Variants in RBFOX1 observed in about 807,000 individuals in gnomAD.
The protein encoded by RBFOX1 is RNA binding fox-1 homolog 1.
A neutral mutation model predicts 57.7 loss-of-function variants in RBFOX1; 8 were observed. The observed-to-expected ratio is 0.14, with a 90% CI of 0.08 to 0.25. The LOEUF is 0.25. Among genes scored for constraint, RBFOX1 ranks in the 10% least tolerant of loss-of-function variants. RBFOX1 has a pLI of 1.00. For missense variants in RBFOX1, 611 were observed against 548.5 expected, an observed-to-expected ratio of 1.11 and a Z score of -1.14; for synonymous variants, 326 against 222.4, an observed-to-expected ratio of 1.47 and a Z score of -4.15.
chr16:7,023,529 A>G (rs1037006411), intron 3 of RBFOX1, among the ~76,000 whole-genome samples: 1 of 144,600 alleles, frequency 6.9e-6, no homozygotes, highest in Non-Finnish European at 1.5e-5. Context: ...GGCTTTAAGA[A>G]CAGCCTGGCC....
At chr16:6,885,285 G>A (rs139761288) in intron 3 of RBFOX1, among the ~76,000 whole-genome samples, 10 of 152,148 alleles carry the variant, frequency 6.6e-5, no homozygotes, top group Non-Finnish European at 1.5e-4. Context: ...CTACAGACGC[G>A]TGTTCTCTAT....
At chr16:7,181,548 C>G (rs1446776017) in intron 4 of RBFOX1, among the ~76,000 whole-genome samples, 1 of 149,828 alleles carries the variant, frequency 6.7e-6, no homozygotes, top group Non-Finnish European at 1.5e-5. Flanking sequence ...CTCTCTCTTT[C>G]TCTCATCTCT....
chr16:5,401,060 T>C (rs1004197026), intron 1 of RBFOX1, among the ~76,000 whole-genome samples: 2 of 152,154 alleles, frequency 1.3e-5, no homozygotes, highest in African/African-American at 2.4e-5. Context: ...TCAAAGGAGA[T>C]TTTTTAAAAA....
intron 3 of RBFOX1, among the ~76,000 whole-genome samples, chr16:6,788,431 C>A (rs537342766): frequency 3.3e-5 from 5 of 151,502 alleles, no homozygotes; most frequent in Non-Finnish European, 7.4e-5. Flanking sequence ...GCTTTGGACA[C>A]AGGTGCTGCA....
intron 1 of RBFOX1, among the ~76,000 whole-genome samples, chr16:5,391,891 A>ATG (rs1491308909): frequency 2.3e-5 from 3 of 132,634 alleles, no homozygotes; most frequent in African/African-American, 7.3e-5. Flanking sequence ...GTGTGTGTAT[A>ATG]CACACACACA....
At chr16:6,084,222 T>C (rs972295387) in intron 1 of RBFOX1, among the ~76,000 whole-genome samples, 5 of 152,080 alleles carry the variant, frequency 3.3e-5, no homozygotes, top group Non-Finnish European at 2.9e-5. Context: ...TTAATGGTCC[T>C]TCCTCCTTAT....
At chr16:5,250,229 G>A (rs1157596791) in intron 1 of RBFOX1, among the ~76,000 whole-genome samples, 1 of 152,126 alleles carries the variant, frequency 6.6e-6, no homozygotes, top group South Asian at 2.1e-4. Context: ...TAACACTGGG[G>A]AGGGTTGGGG....
rs754317181 is a variant in RBFOX1, at chr16:6,729,233, C to G, written c.-16+74583C>G. Among the ~76,000 whole-genome samples the G allele has an allele frequency of 3.3e-5, 5 of 152,236 alleles. No individual in the cohort carries two copies. In the South Asian group the frequency reaches 8.3e-4, roughly 25 times the overall value. On this transcript the variant is annotated intron_variant, in intron 3 of 15. Coordinates refer to ENST00000550418, the MANE Select transcript of RBFOX1 (RefSeq NM_018723.4). Reference sequence around the variant, plus strand: ...GATTATATGTATATAATTGGGGTCACCAGACCCCAGGGATTCTGATTTAAT... The same window carrying G: ...GATTATATGTATATAATTGGGGTCAGCAGACCCCAGGGATTCTGATTTAAT...
At chr16:7,567,331 A>G (rs2092025801) in intron 5 of RBFOX1, among the ~76,000 whole-genome samples, 3 of 35,634 alleles carry the variant, frequency 8.4e-5, no homozygotes, top group South Asian at 5.6e-4. Flanking sequence ...ATCTCCCTAT[A>G]TATGGCCCTA....
chr16:6,948,215 T>C (rs1360927905), intron 3 of RBFOX1, among the ~76,000 whole-genome samples: 1 of 151,974 alleles, frequency 6.6e-6, no homozygotes, highest in Non-Finnish European at 1.5e-5. Flanking sequence ...GAGGATGGCT[T>C]GAGCTGAGGC....
At chr16:5,889,705 C>G (rs1023296332) in intron 4 of RBFOX1, among the ~76,000 whole-genome samples, 2 of 152,326 alleles carry the variant, frequency 1.3e-5, no homozygotes, top group South Asian at 4.2e-4. Flanking sequence ...CTGTCCGTGG[C>G]AGCCCATGCT....
intron 4 of RBFOX1, among the ~76,000 whole-genome samples, chr16:5,988,794 A>T (rs1385707609): frequency 1.3e-5 from 2 of 152,084 alleles, no homozygotes; most frequent in Non-Finnish European, 2.9e-5. Flanking sequence ...TTTTTTTTTA[A>T]ATATAAAATT....
intron 3 of RBFOX1, among the ~76,000 whole-genome samples, chr16:7,036,899 C>A (rs564105605): frequency 6.6e-6 from 1 of 152,148 alleles, no homozygotes; most frequent in African/African-American, 2.4e-5. Context: ...GCTTGTTTCC[C>A]ATTTTTATGG....
intron 3 of RBFOX1, among the ~76,000 whole-genome samples, chr16:6,802,794 T>C (rs1028420705): frequency 6.6e-6 from 1 of 152,246 alleles, no homozygotes; most frequent in African/African-American, 2.4e-5. Flanking sequence ...ACTCTTGAAG[T>C]AGGCTGACCC....
At chr16:7,699,617 G>C (rs1323621976) in intron 14 of RBFOX1, among the ~76,000 whole-genome samples, 2 of 152,164 alleles carry the variant, frequency 1.3e-5, no homozygotes, top group African/African-American at 2.4e-5. Context: ...AGTAAAAAAT[G>C]CATGCTGGAT....
intron 11 of RBFOX1, among the ~76,000 whole-genome samples, chr16:7,649,099 A>G (rs1224499592): frequency 1.3e-5 from 2 of 152,166 alleles, no homozygotes; most frequent in African/African-American, 4.8e-5. Context: ...AAGCAAAAGG[A>G]AGCTTATAAA....
chr16:7,272,624 C>A (rs2095346458), intron 4 of RBFOX1, among the ~76,000 whole-genome samples: 1 of 152,112 alleles, frequency 6.6e-6, no homozygotes, highest in African/African-American at 2.4e-5. Context: ...CCTCTGGATC[C>A]TTCTTCTCCA....
intron 2 of RBFOX1, among the ~76,000 whole-genome samples, chr16:6,358,029 C>T (rs2087703890): frequency 6.6e-6 from 1 of 151,712 alleles, no homozygotes; most frequent in South Asian, 2.1e-4. Context: ...TGTGTCAAAG[C>T]AACCTGAAGT....
chr16:7,595,485 C>A (rs1419759231), intron 7 of RBFOX1, 64 bp from the exon 8 acceptor site: 2 of 1,278,028 alleles, frequency 1.6e-6, no homozygotes, highest in Non-Finnish European at 2.2e-6. Context: ...GAGAACATTA[C>A]CAAGTGGTCG....
Sources: allele counts gnomAD v4.1 joint callset (sites outside exome capture counted in the v4.1 genomes callset), GRCh38; gene constraint gnomAD v4.1.1; transcripts MANE v1.5; gene names NCBI Gene and HGNC (gene_info 2026-07-23, HGNC 2026-07-21).